The following EZH2 variants were observed in gnomAD, a reference collection of about 807,000 sequenced individuals.
EZH2 encodes the protein enhancer of zeste 2 polycomb repressive complex 2 subunit.
In EZH2, 18 loss-of-function variants were observed where a neutral mutation model predicts 98.4. That is an observed-to-expected ratio of 0.18 (90% CI 0.13 to 0.27). EZH2 has a LOEUF of 0.27. Among genes scored for constraint, EZH2 ranks in the 10% least tolerant of loss-of-function variants. The pLI is 1.00. For missense variants in EZH2, 470 were observed against 935.1 expected, an observed-to-expected ratio of 0.50 and a Z score of 6.49; for synonymous variants, 338 against 312.3, an observed-to-expected ratio of 1.08 and a Z score of -0.87.
intron 15 of EZH2, 24 bp from the exon 16 acceptor site, chr7:148,811,744 T>C: frequency 1.9e-6 from 3 of 1,588,604 alleles, no homozygotes; most frequent in Non-Finnish European, 2.6e-6. Context: ...CACAATCACA[T>C]CATCAAAAAA....
chr7:148,814,062 C>T lies in EZH2; in HGVS notation c.1748G>A (p.Arg583Gln), dbSNP rs1563201455. 2.5e-6 allele frequency: 4 copies of T among 1,614,150 alleles called. No homozygotes were observed. The highest frequency in any genetic ancestry group is 1.7e-5 in the Admixed American group (1 of 60,014). Residue 583 changes from arginine (R) to glutamine (Q), a missense_variant, in exon 15 of 20, where the codon CGA (arginine) becomes CAA (glutamine). Around this residue, in one of 6 missense-constraint regions of EZH2, gnomAD observed 106 missense variants for 327.2 expected, o/e 0.32. Transcript: ENST00000320356. The part of the protein sequence containing the change: ...TKQCPCYLAV[R>Q]ECDPDLCLTC... ...AAGACAGAGGTCAGGGTCACACTCT[C>T]GGACAGCCAGGTAGCACGGGCACTG...
chr7:148,808,696 T>C (rs734002), intron 19 of EZH2, among the ~76,000 whole-genome samples: 96,494 of 152,032 alleles, frequency 0.63, 30,791 homozygotes, highest in Middle Eastern at 0.68. Context: ...GCATAGTATA[T>C]TGTCAAGTAA....
intron 17 of EZH2, 57 bp downstream of exon 17, chr7:148,810,276 G>T: frequency 7.5e-7 from 1 of 1,326,230 alleles, no homozygotes; most frequent in Non-Finnish European, 1.1e-6. Context: ...CACTCGGCCG[G>T]CAGAAGGCTG....
intron 9 of EZH2, among the ~76,000 whole-genome samples, chr7:148,818,700 T>C (rs574067700): frequency 2.0e-5 from 3 of 152,152 alleles, no homozygotes; most frequent in Admixed American, 6.5e-5. Context: ...CAGGAAGACA[T>C]GAAAGGAACT....
At chr7:148,812,157 T>C (rs1803263205) in intron 15 of EZH2, among the ~76,000 whole-genome samples, 1 of 152,162 alleles carries the variant, frequency 6.6e-6, no homozygotes, top group South Asian at 2.1e-4. Context: ...TAATAGTTAT[T>C]CCATTTTCAG....
At chr7:148,863,305 G>C (rs1310262826) in intron 1 of EZH2, among the ~76,000 whole-genome samples, 1 of 151,914 alleles carries the variant, frequency 6.6e-6, no homozygotes, top group Non-Finnish European at 1.5e-5. Context: ...CACCACTCTT[G>C]CAACTAGAAA....
chr7:148,839,711 A>ATTT (rs1391666809), intron 3 of EZH2, among the ~76,000 whole-genome samples: 1 of 151,734 alleles, frequency 6.6e-6, no homozygotes, highest in Non-Finnish European at 1.5e-5. Flanking sequence ...TGCCCAGCTA[A>ATTT]TTTTTTTGTA....
intron 1 of EZH2, among the ~76,000 whole-genome samples, chr7:148,866,942 A>T (rs1354264807): frequency 6.7e-6 from 1 of 149,482 alleles, no homozygotes; most frequent in African/African-American, 2.4e-5. Flanking sequence ...TCGAACTCCT[A>T]ACCTCAAGTG....
chr7:148,814,890 T>G (rs763655878), intron 14 of EZH2, 24 bp downstream of exon 14: 1 of 1,607,552 alleles, frequency 6.2e-7, no homozygotes, highest in African/African-American at 1.3e-5. Context: ...CTCATGCAAT[T>G]GCATCAAAGC....
intron 19 of EZH2, among the ~76,000 whole-genome samples, chr7:148,808,302 C>T (rs1478638972): frequency 6.6e-6 from 1 of 152,212 alleles, no homozygotes; most frequent in Non-Finnish European, 1.5e-5. Context: ...GCCCTTCACT[C>T]AGACCCTGTC....
At chr7:148,815,673 G>T in intron 12 of EZH2, 127 bp from the exon 13 acceptor site, 1 of 809,042 alleles carries the variant, frequency 1.2e-6, no homozygotes, top group Non-Finnish European at 2.1e-6. Flanking sequence ...GTCATGCCCT[G>T]CCCAGTTTAT....
At chr7:148,848,342 T>C (rs1253731181) in intron 1 of EZH2, among the ~76,000 whole-genome samples, 1 of 152,196 alleles carries the variant, frequency 6.6e-6, no homozygotes, top group Non-Finnish European at 1.5e-5. Flanking sequence ...ACACTGGCGA[T>C]GACAGGGAAA....
chr7:148,821,967 A>G (rs1374614464), intron 8 of EZH2, among the ~76,000 whole-genome samples: 1 of 152,252 alleles, frequency 6.6e-6, no homozygotes, highest in Non-Finnish European at 1.5e-5. Flanking sequence ...ACCCAAATAC[A>G]TATGGCAACA....
At chr7:148,866,787 T>C (rs1322575362) in intron 1 of EZH2, among the ~76,000 whole-genome samples, 1 of 149,576 alleles carries the variant, frequency 6.7e-6, no homozygotes, top group Admixed American at 6.7e-5. Flanking sequence ...TAATTCTGTC[T>C]CACTGCAACC....
intron 2 of EZH2, among the ~76,000 whole-genome samples, 191 bp from the exon 3 acceptor site, chr7:148,846,789 T>C (rs1211454434): frequency 6.6e-6 from 1 of 152,040 alleles, no homozygotes; most frequent in Non-Finnish European, 1.5e-5. Flanking sequence ...TGTTATTTTA[T>C]TGCAAGTGGT....
chr7:148,823,286 A>T (rs936257059), intron 8 of EZH2, among the ~76,000 whole-genome samples: 20 of 152,194 alleles, frequency 1.3e-4, no homozygotes, highest in African/African-American at 4.8e-4. Flanking sequence ...ATGGGTACAG[A>T]TATTTGCTGT....
rs1804276199 is a variant in EZH2, at chr7:148,815,391, C to T, written c.1546+115G>A. The T allele has an allele frequency of 5.4e-6, 6 of 1,118,348 alleles. No homozygotes were observed. In the South Asian group the frequency reaches 7.8e-5, roughly 15 times the overall value. 69.3% of individuals were successfully genotyped at this position (1,118,348 alleles called of 1,614,324 possible). A position where few individuals can be genotyped will look rare whatever the true frequency, so the allele number is the denominator to read the frequency against. ...CCTCCATTCAAATTGGTTTAACATACAGAAGGCAATTATATTAGAATAACC... is the reference window on the plus strand; with the variant it reads ...CCTCCATTCAAATTGGTTTAACATATAGAAGGCAATTATATTAGAATAACC... On this transcript the variant is annotated intron_variant, in intron 13 of 19. Coordinates refer to ENST00000320356, the MANE Select transcript of EZH2 (RefSeq NM_004456.5).
Position 148,827,196 on chromosome 7 carries a change from T to G in EZH2, c.696A>C (p.Pro232=). Residue 232 remains proline (P), a synonymous_variant, in exon 7 of 20, where the codon CCA becomes CCC. Transcript: ENST00000320356. ...KIFEAISSMF[P]DKGTAEELKE... is the part of the protein sequence containing the mutation. ...TTAGTTCTTCTGCTGTGCCCTTATC[T>G]GGAAACATTGAGGAAATGGCTTCAA... 6.2e-7 allele frequency: 1 copy of G among 1,613,608 alleles called. No homozygotes were observed. Among genetic ancestry groups the G allele is most frequent in the Non-Finnish European group, 8.5e-7 (1 of 1,179,842 alleles).
intron 8 of EZH2, among the ~76,000 whole-genome samples, chr7:148,821,864 CTAAA>C (rs952472914): frequency 3.9e-4 from 60 of 151,988 alleles, no homozygotes; most frequent in Non-Finnish European, 6.0e-4. Flanking sequence ...ATCTCTCTCT[CTAAA>C]TAAATAAATT....
Sources: allele counts gnomAD v4.1 joint callset (sites outside exome capture counted in the v4.1 genomes callset), GRCh38; gene constraint gnomAD v4.1.1; regional missense constraint gnomAD v4.1.1; transcripts MANE v1.5; gene names NCBI Gene and HGNC (gene_info 2026-07-23, HGNC 2026-07-21).